Variants in OTOG observed in about 807,000 individuals in gnomAD.
OTOG encodes the protein otogelin.
Under a neutral mutation model 313.8 loss-of-function variants are expected in OTOG, and 296 were observed. That is an observed-to-expected ratio of 0.94 (90% CI 0.86 to 1.04). The LOEUF (loss-of-function observed/expected upper bound fraction) is 1.04. OTOG is among the 50% of genes least tolerant of loss of function. OTOG has a pLI of 0.00. For synonymous variants in OTOG, 1,533 were observed against 1,554.9 expected (o/e 0.99, Z 0.33); for missense variants, 3,948 against 3,840.1 (o/e 1.03, Z -0.74).
At chr11:17,600,780 TC>T (rs1853231179) in intron 31 of OTOG, among the ~76,000 whole-genome samples, 1 of 152,238 alleles carries the variant, frequency 6.6e-6, no homozygotes. Context: ...TGGAGCTGTT[TC>T]GTTTTCTCTC....
intron 45 of OTOG, 46 bp downstream of exon 45, chr11:17,634,994 T>TG: frequency 6.6e-7 from 1 of 1,526,614 alleles, no homozygotes; most frequent in Non-Finnish European, 8.9e-7. Context: ...CTGAGGGCAG[T>TG]GGGGGGAGGA....
intron 32 of OTOG, among the ~76,000 whole-genome samples, chr11:17,604,509 C>T (rs1853333580): frequency 1.3e-5 from 2 of 152,230 alleles, no homozygotes; most frequent in South Asian, 4.1e-4. Flanking sequence ...CTCAGCCTGC[C>T]TGCATCCAGC....
chr11:17,579,227 G>C (rs1852610505), intron 23 of OTOG, among the ~76,000 whole-genome samples: 1 of 152,202 alleles, frequency 6.6e-6, no homozygotes, highest in South Asian at 2.1e-4. Flanking sequence ...AGAGATTAGT[G>C]GTCACCCGGG....
chr11:17,552,619 A>ACCTGTCCTGTGT (rs1382289553), intron 4 of OTOG, among the ~76,000 whole-genome samples: 1 of 37,194 alleles, frequency 2.7e-5, no homozygotes, highest in African/African-American at 2.4e-4. Context: ...CTGTCCTCTC[A>ACCTGTCCTGTGT]CATCATGGCT....
intron 21 of OTOG, 79 bp downstream of exon 21, chr11:17,576,709 CT>C: frequency 6.8e-7 from 1 of 1,470,256 alleles, no homozygotes; most frequent in Non-Finnish European, 9.3e-7. Context: ...GCTGATGGAA[CT>C]TTCTGTGAAG....
At chr11:17,608,470 G>A (rs2134086683) in intron 34 of OTOG, 57 bp downstream of exon 34, 1 of 1,188,286 alleles carries the variant, frequency 8.4e-7, no homozygotes, top group Non-Finnish European at 1.2e-6. Flanking sequence ...GTGTGTGTGT[G>A]CACTCACATA....
chr11:17,633,152 C>T (rs1285040404), intron 42 of OTOG, among the ~76,000 whole-genome samples: 11 of 152,224 alleles, frequency 7.2e-5, no homozygotes, highest in Admixed American at 7.2e-4. Flanking sequence ...GGGTTCCCCA[C>T]AATGATACCT....
chr11:17,548,214 TA>T lies in OTOG; in HGVS notation c.216+4del. On this transcript the variant is annotated splice_donor_region_variant and intron_variant, in intron 3 of 55. Transcript: ENST00000399397. ...AAGGCTACAGTCGTGGGAGGCCAGGTAAGGGAGGTCTTGGGAGGGGGCTTCA... is the reference window on the plus strand; with the variant it reads ...AAGGCTACAGTCGTGGGAGGCCAGGTAGGGAGGTCTTGGGAGGGGGCTTCA... 1 of 1,545,544 alleles carries T rather than the reference TA, an allele frequency of 6.5e-7. No homozygotes were observed. The highest frequency in any genetic ancestry group is 1.2e-5 in the South Asian group (1 of 83,232).
chr11:17,569,044 C>A, intron 15 of OTOG, 112 bp from the exon 16 acceptor site: 1 of 1,272,244 alleles, frequency 7.9e-7, no homozygotes, highest in African/African-American at 1.5e-5. Flanking sequence ...GTCTGTCATT[C>A]TGAGGAAACT....
chr11:17,547,576 A>G (rs1172255330), intron 1 of OTOG, 110 bp downstream of exon 1: 18 of 1,274,978 alleles, frequency 1.4e-5, no homozygotes, highest in Non-Finnish European at 1.8e-5. Flanking sequence ...GAGAGGTTTG[A>G]GGGAGAGCAG....
chr11:17,552,612 T>TACTGTGTCCCCCACCTGTCCTGTGTCCC (rs1851966768), intron 4 of OTOG, among the ~76,000 whole-genome samples: 1 of 151,580 alleles, frequency 6.6e-6, no homozygotes, highest in African/African-American at 2.4e-5. Context: ...CCCCCACCTG[T>TACTGTGTCCCCCACCTGTCCTGTGTCCC]CCTCTCACAT....
At chr11:17,630,992 C>T (rs1027992812) in intron 40 of OTOG, among the ~76,000 whole-genome samples, 11 of 152,210 alleles carry the variant, frequency 7.2e-5, no homozygotes, top group Non-Finnish European at 1.5e-4. Flanking sequence ...CAGAGTCCTT[C>T]CATCTTCTGG....
In OTOG at chr11:17,606,931, C is replaced by A. The variant is rs573244009; in HGVS notation, c.4156+796C>A. 4.6e-5 allele frequency among the ~76,000 whole-genome samples: 7 copies of A among 152,312 alleles called. No individual in the cohort carries two copies. The South Asian group carries it at 1.5e-3, about 32-fold the overall frequency. On this transcript the variant is annotated intron_variant, in intron 33 of 55. Transcript: ENST00000399397. ...ACAGATTTATCACTGGCCATGATGA[C>A]AAGACTTGCTCATGATGGGAGTATT...
chr11:17,609,562 C>T, intron 35 of OTOG, 93 bp from the exon 36 acceptor site: 1 of 1,163,088 alleles, frequency 8.6e-7, no homozygotes, highest in Non-Finnish European at 1.2e-6. Flanking sequence ...CCGAGAGTGC[C>T]AGTCCTCAAG....
Position 17,578,350 on chromosome 11 carries a change from G to A in OTOG, c.2606-23G>A, listed in dbSNP as rs566544850. On this transcript the variant is annotated intron_variant, in intron 22 of 55. Coordinates refer to ENST00000399397, the MANE Select transcript of OTOG (RefSeq NM_001292063.2). The stretch of plus-strand genomic sequence containing the variant: ...CCCATACTGAGGCCCCAGGGCCTCC[G>A]CTCCCATCTTCTTCTCTTCCAGCTG... 8 of 1,473,070 alleles carry A rather than the reference G, an allele frequency of 5.4e-6. No homozygotes were observed. In the Admixed American group the frequency reaches 9.1e-5, roughly 17 times the overall value. 91.2% of individuals were successfully genotyped at this position (1,473,070 alleles called of 1,614,324 possible).
chr11:17,605,714 G>A (rs1012506326), intron 32 of OTOG, 143 bp from the exon 33 acceptor site: 1 of 878,902 alleles, frequency 1.1e-6, no homozygotes, highest in Non-Finnish European at 1.7e-6. Flanking sequence ...TGGGCTGGGG[G>A]CTGGTGTAGG....
chr11:17,615,754 C>T (rs1466449565), intron 39 of OTOG, among the ~76,000 whole-genome samples: 2 of 152,106 alleles, frequency 1.3e-5, no homozygotes, highest in Non-Finnish European at 2.9e-5. Flanking sequence ...CATGGAGAAA[C>T]CCCTTCTCTA....
At chr11:17,634,749 C>G in intron 44 of OTOG, 95 bp from the exon 45 acceptor site, 1 of 1,026,166 alleles carries the variant, frequency 9.7e-7, no homozygotes, top group Non-Finnish European at 1.4e-6. Context: ...TGGGGCCAGG[C>G]GTCCAGGGGT....
Position 17,583,841 on chromosome 11 carries a change from C to CA in OTOG, c.2760-2624dup, listed in dbSNP as rs543109433. Among the ~76,000 whole-genome samples the CA allele has an allele frequency of 3.8e-3, 566 of 149,670 alleles. 4 individuals are homozygous for CA. The highest frequency in any genetic ancestry group is 0.013 in the African/African-American group (541 of 40,846). ...TTAGGATCAGCTTATCAATTTCTACCAAAAAAAAAGCCCCTGAGATTTTGA... is the reference window on the plus strand; with the variant it reads ...TTAGGATCAGCTTATCAATTTCTACCAAAAAAAAAAGCCCCTGAGATTTTGA... On this transcript the variant is annotated intron_variant, in intron 23 of 55. Coordinates refer to ENST00000399397, the MANE Select transcript of OTOG (RefSeq NM_001292063.2).
Sources: allele counts gnomAD v4.1 joint callset (sites outside exome capture counted in the v4.1 genomes callset), GRCh38; gene constraint gnomAD v4.1.1; transcripts MANE v1.5; gene names NCBI Gene and HGNC (gene_info 2026-07-23, HGNC 2026-07-21).